Variants in UACA observed in about 807,000 individuals in gnomAD.
UACA encodes the protein uveal autoantigen with coiled-coil domains and ankyrin repeats, also known as nuclear membrane binding protein.
A neutral mutation model predicts 160.5 loss-of-function variants in UACA; 112 were observed. The ratio of observed to expected loss-of-function variants is 0.70; its 90% CI spans 0.60 to 0.82. The LOEUF (loss-of-function observed/expected upper bound fraction) is 0.82. Among genes scored for constraint, UACA ranks in the 40% least tolerant of loss-of-function variants. The probability of loss-of-function intolerance (pLI) is 0.00; values close to 1 mark genes in which losing one functional copy is unlikely to be tolerated. For synonymous variants in UACA, 557 were observed against 568.4 expected, an observed-to-expected ratio of 0.98 and a Z score of 0.29; for missense variants, 1,574 against 1,614.6, an observed-to-expected ratio of 0.97 and a Z score of 0.43.
chr15:70,661,304 T>C (rs1896698608), intron 17 of UACA: 1 of 152,190 alleles, frequency 6.6e-6, no homozygotes, highest in Admixed American at 6.5e-5. Context: ...ATCTCTCATC[T>C]TGTGATTTTT....
intron 1 of UACA, among the ~76,000 whole-genome samples, chr15:70,751,304 T>C (rs1171411583): frequency 6.6e-6 from 1 of 152,160 alleles, no homozygotes; most frequent in Non-Finnish European, 1.5e-5. Flanking sequence ...ATACCACTTA[T>C]CTCCCTCAGG....
At chr15:70,701,912 T>C in intron 1 of UACA, 1 of 1,613,478 alleles carries the variant, frequency 6.2e-7, no homozygotes, top group South Asian at 1.1e-5. Context: ...CAACAGTTCA[T>C]CATAGACAGG....
chr15:70,656,544 CAA>C lies in UACA; in HGVS notation c.*510_*511del, dbSNP rs1239611021. The C allele has an allele frequency of 1.3e-5, 2 of 151,940 alleles. No individual in the cohort carries two copies. The highest frequency in any genetic ancestry group is 4.8e-5 in the African/African-American group (2 of 41,352). 9.4% of individuals were successfully genotyped at this position (151,940 alleles called of 1,614,324 possible). A position where few individuals can be genotyped will look rare whatever the true frequency, so the allele number is the denominator to read the frequency against. ...AAATATCTATACCTACAAAAAAGGC[CAA>C]AGACACTAATGAAGTTACCTCAGTA... On this transcript the variant is annotated 3_prime_UTR_variant, in exon 19 of 19. Transcript: ENST00000322954.
intron 1 of UACA, among the ~76,000 whole-genome samples, chr15:70,711,815 GT>G (rs1399717477): frequency 2.6e-5 from 4 of 152,066 alleles, no homozygotes. Context: ...TACTGAAATA[GT>G]TCAAAAGAGG....
Position 70,664,681 on chromosome 15 carries a change from G to T in UACA, c.4094C>A (p.Ser1365Tyr). ...ACTCACGGCCAGCTGTTGCTCCAGA[G>T]ATTTCACTTGGTGCTGCAGAGTGTC... The part of the protein sequence containing the change: ...LIDTLQHQVK[S>Y]LEQQLADADR... The change falls in exon 17 of 19, where the codon TCT (serine) becomes TAT (tyrosine). Residue 1365 changes from serine to tyrosine, a missense_variant. Transcript: ENST00000322954. 6.2e-7 allele frequency: 1 copy of T among 1,611,454 alleles called. No homozygotes were observed. The highest frequency in any genetic ancestry group is 1.7e-4 in the Middle Eastern group (1 of 6,000).
chr15:70,767,229 G>C (rs1410563706), upstream of UACA, among the ~76,000 whole-genome samples: 1 of 119,468 alleles, frequency 8.4e-6, no homozygotes, highest in Non-Finnish European at 1.6e-5. Flanking sequence ...GACAGAGCAA[G>C]ACTCCATCTC....
At chr15:70,746,984 G>A (rs141481104) in intron 1 of UACA, among the ~76,000 whole-genome samples, 1 of 152,088 alleles carries the variant, frequency 6.6e-6, no homozygotes, top group Non-Finnish European at 1.5e-5. Flanking sequence ...GGCCTGTCAG[G>A]GGGTGGCAGG....
chr15:70,773,393 G>A, the UACA span, among the ~76,000 whole-genome samples: 1 of 152,162 alleles, frequency 6.6e-6, no homozygotes, highest in Non-Finnish European at 1.5e-5. Context: ...GATAGCAGCT[G>A]GATAATGACA....
At chr15:70,659,391 G>GTTTTTTTTTTT (rs1375150038) in intron 18 of UACA, among the ~76,000 whole-genome samples, 14 of 9,954 alleles carry the variant, frequency 1.4e-3, no homozygotes, top group East Asian at 6.1e-3. Flanking sequence ...TTCATTTTTT[G>GTTTTTTTTTTT]TTTGTTTTTT....
chr15:70,687,024 T>C (rs886967904), intron 7 of UACA, among the ~76,000 whole-genome samples: 1 of 152,062 alleles, frequency 6.6e-6, no homozygotes, highest in Admixed American at 6.6e-5. Flanking sequence ...AGTACAGAAA[T>C]GGACAGGTTC....
chr15:70,700,190 T>C (rs900448831), intron 1 of UACA, among the ~76,000 whole-genome samples: 2 of 151,602 alleles, frequency 1.3e-5, no homozygotes, highest in Admixed American at 6.6e-5. Flanking sequence ...ACATAGCTCC[T>C]AGGACTCTTA....
At chr15:70,678,997 C>T (rs964955590) in intron 10 of UACA, among the ~76,000 whole-genome samples, 5 of 152,090 alleles carry the variant, frequency 3.3e-5, no homozygotes, top group African/African-American at 4.8e-5. Flanking sequence ...TATAAAGTTG[C>T]TTTTTCTAAT....
chr15:70,717,774 G>A (rs1389511061), intron 1 of UACA, among the ~76,000 whole-genome samples: 2 of 152,140 alleles, frequency 1.3e-5, no homozygotes, highest in Admixed American at 1.3e-4. Flanking sequence ...ACAGATACAA[G>A]CACAGATGTA....
In UACA at chr15:70,763,332, C is replaced by T; in HGVS notation, c.76G>A (p.Ala26Thr). ...GCAGCCCGGACCGCGGGACTCACCG[C>T]GCTGGCGGCGGCGGCGCCAGACGAC... ...PASSGAAAAS[A>T]HAADWNKYDD... Residue 26 changes from alanine to threonine, a missense_variant and splice_region_variant, in exon 1 of 19, where the codon GCG becomes ACG. By Grantham distance (58) the Ala-to-Thr change is moderately conservative. Transcript: ENST00000322954. 1 of 1,333,644 alleles carries T rather than the reference C, an allele frequency of 7.5e-7. No individual in the cohort carries two copies. The highest frequency in any genetic ancestry group is 2.0e-5 in the South Asian group (1 of 50,430). The allele number at this position is 1,333,644 out of a possible 1,614,324, so 82.6% of individuals were successfully genotyped here.
upstream of UACA, among the ~76,000 whole-genome samples, chr15:70,765,905 AGTAATTG>A (rs1305828960): frequency 6.6e-6 from 1 of 152,222 alleles, no homozygotes; most frequent in African/African-American, 2.4e-5. Flanking sequence ...GCACTGTCTC[AGTAATTG>A]GCTCTTGAGT....
intron 1 of UACA, chr15:70,758,874 G>C (rs1169688867): frequency 6.6e-6 from 1 of 152,094 alleles, no homozygotes; most frequent in African/African-American, 2.4e-5. Context: ...TACAATCAAA[G>C]TACTCTGCTA....
chr15:70,711,199 A>C (rs1898671650), intron 1 of UACA, among the ~76,000 whole-genome samples: 1 of 152,180 alleles, frequency 6.6e-6, no homozygotes, highest in South Asian at 2.1e-4. Context: ...ATTTATATTT[A>C]TTTTCAAAGG....
the UACA span, among the ~76,000 whole-genome samples, chr15:70,774,154 C>G: frequency 6.6e-6 from 1 of 152,166 alleles, no homozygotes; most frequent in Admixed American, 6.5e-5. Context: ...ACATGTATCT[C>G]TTTTAATACT....
At chr15:70,677,450 C>T (rs1897334325) in intron 11 of UACA, among the ~76,000 whole-genome samples, 1 of 152,120 alleles carries the variant, frequency 6.6e-6, no homozygotes, top group African/African-American at 2.4e-5. Flanking sequence ...CAGCCTTTTG[C>T]TTTTGCATAT....
Sources: gnomAD v4.1 joint callset for allele counts (sites outside exome capture counted in the v4.1 genomes callset) on GRCh38, gnomAD v4.1.1 for gene constraint, MANE v1.5 for transcripts, NCBI Gene and HGNC (gene_info 2026-07-23, HGNC 2026-07-21) for gene names.